TMEFF2: variants seen among roughly 807,000 people sequenced by gnomAD.
TMEFF2 encodes tomoregulin-2.
TMEFF2 carries 28 observed loss-of-function variants against 53.8 expected under a neutral mutation model. That is an observed-to-expected ratio of 0.52 (90% confidence interval 0.39 to 0.71). TMEFF2 has a LOEUF of 0.71. Among genes scored for constraint, TMEFF2 ranks in the 30% least tolerant of loss-of-function variants. The probability of loss-of-function intolerance (pLI) is 0.00; values close to 1 mark genes in which losing one functional copy is unlikely to be tolerated. For synonymous variants in TMEFF2, 162 were observed against 166.3 expected, an observed-to-expected ratio of 0.97 and a Z score of 0.20; for missense variants, 353 against 455.2, an observed-to-expected ratio of 0.78 and a Z score of 2.04.
intron 4 of TMEFF2, among the ~76,000 whole-genome samples, chr2:192,154,557 C>G (rs1241797535): frequency 6.6e-6 from 1 of 151,954 alleles, no homozygotes. Context: ...TTTGTATCAA[C>G]CTTAATGAAT....
At chr2:192,169,264 T>G (rs889070504) in intron 4 of TMEFF2, among the ~76,000 whole-genome samples, 4 of 152,104 alleles carry the variant, frequency 2.6e-5, no homozygotes, top group African/African-American at 9.7e-5. Context: ...TTCATTGACT[T>G]TAGTCTTGGA....
At chr2:192,022,943 T>C (rs1686889543) in intron 5 of TMEFF2, among the ~76,000 whole-genome samples, 1 of 152,204 alleles carries the variant, frequency 6.6e-6, no homozygotes, top group African/African-American at 2.4e-5. Context: ...CACTAAGTAT[T>C]ATGTTTGATT....
At chr2:192,190,824 A>G (rs1160244990) in intron 2 of TMEFF2, among the ~76,000 whole-genome samples, 1 of 152,146 alleles carries the variant, frequency 6.6e-6, no homozygotes, top group Admixed American at 6.5e-5. Flanking sequence ...ATAATTCTAA[A>G]TATTACTTAT....
At chr2:192,032,366 TC>T in intron 5 of TMEFF2, 1 of 152,308 alleles carries the variant, frequency 6.6e-6, no homozygotes, top group Non-Finnish European at 1.5e-5. Context: ...CAACACGTTT[TC>T]AACATTTTAC....
intron 4 of TMEFF2, among the ~76,000 whole-genome samples, chr2:192,069,984 GTGTGTATATATA>G (rs1448944100): frequency 5.8e-4 from 4 of 6,844 alleles, no homozygotes; most frequent in East Asian, 0.016. Context: ...GTGTGTGTGT[GTGTGTATATATA>G]TATATATATA....
chr2:192,157,392 A>G (rs1368923169), intron 4 of TMEFF2, among the ~76,000 whole-genome samples: 1 of 152,042 alleles, frequency 6.6e-6, no homozygotes, highest in Non-Finnish European at 1.5e-5. Flanking sequence ...ATTGTTATAT[A>G]TATCTTAAAT....
At chr2:192,185,156 G>A (rs1302782995) in intron 2 of TMEFF2, among the ~76,000 whole-genome samples, 1 of 151,858 alleles carries the variant, frequency 6.6e-6, no homozygotes, top group African/African-American at 2.4e-5. Context: ...CTATTCCAAA[G>A]TATGTCTATT....
chr2:192,067,687 G>C (rs1688199340), intron 4 of TMEFF2, among the ~76,000 whole-genome samples: 1 of 151,690 alleles, frequency 6.6e-6, no homozygotes, highest in South Asian at 2.1e-4. Flanking sequence ...ATAACTTAAA[G>C]GTATTTTGTG....
At chr2:191,995,327 A>T (rs1210827680) in intron 7 of TMEFF2, among the ~76,000 whole-genome samples, 3 of 152,034 alleles carry the variant, frequency 2.0e-5, no homozygotes, top group Non-Finnish European at 4.4e-5. Flanking sequence ...TGAGAGGGAT[A>T]AATAAGGGTT....
At chr2:192,100,007 A>G (rs1452994791) in intron 4 of TMEFF2, among the ~76,000 whole-genome samples, 1 of 152,184 alleles carries the variant, frequency 6.6e-6, no homozygotes, top group Non-Finnish European at 1.5e-5. Flanking sequence ...CTAATAATGA[A>G]TTACAGTCCT....
chr2:191,977,304 TAC>T (rs1176439423), intron 7 of TMEFF2, among the ~76,000 whole-genome samples: 2 of 152,228 alleles, frequency 1.3e-5, no homozygotes, highest in Non-Finnish European at 2.9e-5. Flanking sequence ...GGAGCTATTG[TAC>T]AGTCCCGCTG....
chr2:192,069,095 C>T (rs987824602), intron 4 of TMEFF2, among the ~76,000 whole-genome samples: 1 of 151,434 alleles, frequency 6.6e-6, no homozygotes, highest in African/African-American at 2.4e-5. Flanking sequence ...CTTCCTTGAC[C>T]CCCTACTCGA....
At chr2:192,049,930 G>A (rs1248081405) in intron 5 of TMEFF2, among the ~76,000 whole-genome samples, 6 of 152,288 alleles carry the variant, frequency 3.9e-5, no homozygotes, top group Non-Finnish European at 1.5e-5. Flanking sequence ...GAACCTGGAA[G>A]GCGGAGCTTG....
At chr2:192,069,749 TAAATG>T (rs1296031112) in intron 4 of TMEFF2, among the ~76,000 whole-genome samples, 2 of 151,682 alleles carry the variant, frequency 1.3e-5, no homozygotes, top group Non-Finnish European at 2.9e-5. Flanking sequence ...TATCCAGAGA[TAAATG>T]CAAAGAGATA....
chr2:191,950,231 T>C lies in TMEFF2; in HGVS notation c.*80A>G, dbSNP rs1691829422. 1 of 1,440,126 alleles carries C rather than the reference T, an allele frequency of 6.9e-7. No individual in the cohort carries two copies. Among genetic ancestry groups the C allele is most frequent in the Non-Finnish European group, 9.1e-7 (1 of 1,093,694 alleles). The allele number at this position is 1,440,126 out of a possible 1,614,324, so 89.2% of individuals were successfully genotyped here. Reference sequence around the variant, plus strand: ...ATGCAAGGCAACATGTGTAGATCTCTTGTCTTATTCTTTTGTCTATAATAC... The same window carrying C: ...ATGCAAGGCAACATGTGTAGATCTCCTGTCTTATTCTTTTGTCTATAATAC... On this transcript the variant is annotated 3_prime_UTR_variant, in exon 10 of 10. Coordinates refer to ENST00000272771, the MANE Select transcript of TMEFF2 (RefSeq NM_016192.4).
Position 192,184,369 on chromosome 2 carries a change from C to T in TMEFF2, c.397G>A (p.Gly133Arg). The T allele has an allele frequency of 2.5e-6, 4 of 1,613,208 alleles. No individual in the cohort carries two copies. Among genetic ancestry groups the T allele is most frequent in the East Asian group, 4.5e-5 (2 of 44,844 alleles). ...ACACACATACCTGTGGCACATGATC[C>T]TTCTGACACCACAAGTATCTCACTC... ...QQSEILVVSEGSCATDAGSGS... is the reference protein window; with the variant it reads ...QQSEILVVSERSCATDAGSGS... Residue 133 changes from glycine (G) to arginine (R), a missense_variant, in exon 3 of 10, where the codon GGA becomes AGA. Physicochemically the swap from Gly to Arg is moderately radical, Grantham distance 125 (BLOSUM62 -2). Coordinates refer to ENST00000272771, the MANE Select transcript of TMEFF2 (RefSeq NM_016192.4).
chr2:192,065,924 A>T (rs1215234521), intron 4 of TMEFF2, among the ~76,000 whole-genome samples: 1 of 151,670 alleles, frequency 6.6e-6, no homozygotes, highest in African/African-American at 2.4e-5. Flanking sequence ...TTTTCCCTCC[A>T]TATGCTTCTC....
At chr2:191,998,345 A>C in intron 6 of TMEFF2, 24 bp from the exon 7 acceptor site, 1 of 1,509,750 alleles carries the variant, frequency 6.6e-7, no homozygotes. Flanking sequence ...TTAACAATAA[A>C]AATTGATTAA....
At chr2:192,075,329 A>ATG (rs1173011642) in intron 4 of TMEFF2, among the ~76,000 whole-genome samples, 3 of 112,144 alleles carry the variant, frequency 2.7e-5, no homozygotes, top group Admixed American at 9.1e-5. Context: ...ATATATATAT[A>ATG]TATACATACA....
Sources: gnomAD v4.1 joint callset for allele counts (sites outside exome capture counted in the v4.1 genomes callset) on GRCh38, gnomAD v4.1.1 for gene constraint, MANE v1.5 for transcripts, NCBI Gene and HGNC (gene_info 2026-07-23, HGNC 2026-07-21) for gene names.